Variants in PALM2AKAP2 observed in about 807,000 individuals in gnomAD.
PALM2AKAP2 encodes PALM2-AKAP2 fusion protein.
Under a neutral mutation model 71.5 loss-of-function variants are expected in PALM2AKAP2, and 37 were observed. That is an observed-to-expected ratio of 0.52 (90% CI 0.40 to 0.68). The LOEUF is 0.68. Among genes scored for constraint, PALM2AKAP2 ranks in the 30% least tolerant of loss-of-function variants. The pLI, the probability that PALM2AKAP2 is intolerant of heterozygous loss-of-function variation, is 0.00. For synonymous variants in PALM2AKAP2, 468 were observed against 478.8 expected (o/e 0.98, Z 0.29); for missense variants, 1,224 against 1,191.8 (o/e 1.03, Z -0.40).
At chr9:110,156,404 C>T (rs752250329) in exon 3 of PALM2AKAP2, 14 of 1,612,928 alleles carry the variant, frequency 8.7e-6, no homozygotes, top group East Asian at 4.5e-5. Context: ...AAGAGGCTGC[C>T]GGAACCCAGC....
At chr9:109,664,773 C>A (rs946310864) in intron 1 of PALM2AKAP2, among the ~76,000 whole-genome samples, 2 of 152,212 alleles carry the variant, frequency 1.3e-5, no homozygotes, top group Admixed American at 1.3e-4. Context: ...GGATAATACC[C>A]TGAAGAGTGT....
At chr9:110,141,113 C>G (rs1213511500) in intron 2 of PALM2AKAP2, among the ~76,000 whole-genome samples, 1 of 152,140 alleles carries the variant, frequency 6.6e-6, no homozygotes, top group Non-Finnish European at 1.5e-5. Context: ...CATTTCAATG[C>G]TTTCTCCTGA....
At chr9:110,054,390 ACT>A (rs1429664991) in intron 1 of PALM2AKAP2, among the ~76,000 whole-genome samples, 1 of 150,768 alleles carries the variant, frequency 6.6e-6, no homozygotes, top group African/African-American at 2.5e-5. Flanking sequence ...CAAGAGTGAA[ACT>A]CTGTTTCAAA....
chr9:110,048,897 C>G (rs1329523959), intron 1 of PALM2AKAP2: 3 of 1,480,800 alleles, frequency 2.0e-6, no homozygotes, highest in South Asian at 2.6e-5. Flanking sequence ...GGAGTGTCCT[C>G]GAGTGTGAGG....
chr9:110,016,144 CTA>C (rs1832976770), intron 7 of PALM2AKAP2, 105 bp downstream of exon 7: 1 of 1,097,350 alleles, frequency 9.1e-7, no homozygotes, highest in Non-Finnish European at 1.4e-6. Flanking sequence ...ATCCACCTTG[CTA>C]GAGTTCTCTC....
At chr9:109,816,509 C>T (rs535913455) in intron 1 of PALM2AKAP2, among the ~76,000 whole-genome samples, 5 of 152,148 alleles carry the variant, frequency 3.3e-5, no homozygotes, top group Admixed American at 2.0e-4. Context: ...GGCCGCTGCA[C>T]CTAAACAGTT....
At chr9:110,044,344 CTTTTTTTTTT>C (rs57314430), upstream of PALM2AKAP2, among the ~76,000 whole-genome samples, 9 of 80,154 alleles carry the variant, frequency 1.1e-4, no homozygotes, top group South Asian at 8.7e-4. Context: ...TTCTTTCTTT[CTTTTTTTTTT>C]TTTTTTTTTT....
At position 110,067,015 on chromosome 9, in the gene PALM2AKAP2, T is replaced by A. The variant is rs534925750; in HGVS notation, c.156+18160T>A. ...CTCTTCATTTGGTTTTATCAGATAA[T>A]AGATAATAATAAATATGGCCTGGCT... On this transcript the variant is annotated intron_variant, in intron 1 of 3. Transcript: ENST00000374525. 2.0e-5 allele frequency among the ~76,000 whole-genome samples: 3 copies of A among 152,256 alleles called. No homozygotes were observed. In the South Asian group the frequency reaches 6.2e-4, roughly 32 times the overall value.
intron 1 of PALM2AKAP2, among the ~76,000 whole-genome samples, chr9:109,713,309 T>C (rs2118613727): frequency 6.6e-6 from 1 of 152,270 alleles, no homozygotes; most frequent in East Asian, 1.9e-4. Flanking sequence ...GGAATGGAAC[T>C]GAAAGTGGGG....
chr9:109,784,673 C>T (rs1826914848), intron 1 of PALM2AKAP2, among the ~76,000 whole-genome samples: 1 of 152,250 alleles, frequency 6.6e-6, no homozygotes, highest in African/African-American at 2.4e-5. Flanking sequence ...GGTTCTAGAA[C>T]TGGTCTAACA....
At chr9:109,944,918 T>C (rs1242164032) in intron 6 of PALM2AKAP2, 1 of 152,204 alleles carries the variant, frequency 6.6e-6, no homozygotes, top group East Asian at 1.9e-4. Flanking sequence ...TGCCCATTTA[T>C]AGCATTGTTA....
At chr9:109,734,402 C>T (rs1031120555) in intron 1 of PALM2AKAP2, among the ~76,000 whole-genome samples, 2 of 152,126 alleles carry the variant, frequency 1.3e-5, no homozygotes, top group Non-Finnish European at 2.9e-5. Flanking sequence ...CCAATAGGCA[C>T]ATTTGTCAAT....
At chr9:109,918,793 T>G (rs1830752847) in intron 3 of PALM2AKAP2, among the ~76,000 whole-genome samples, 1 of 152,202 alleles carries the variant, frequency 6.6e-6, no homozygotes, top group African/African-American at 2.4e-5. Context: ...TATAGAAAAA[T>G]CTGCTATTGG....
rs117544377 is a variant in PALM2AKAP2 at position 110,113,202 on chromosome 9, G to T, written c.157-22925G>T. ...GTTTTATCTACAGGTTTTTATTTTTGTTGTTGTTGTTTGTCTTTTTGTTTT... is the reference window on the plus strand; with the variant it reads ...GTTTTATCTACAGGTTTTTATTTTTTTTGTTGTTGTTTGTCTTTTTGTTTT... On this transcript the variant is annotated intron_variant, in intron 1 of 3. Coordinates refer to ENST00000374525, the Ensembl canonical transcript of PALM2AKAP2. Among the ~76,000 whole-genome samples the T allele has an allele frequency of 0.017, 2,549 of 150,586 alleles. 83 individuals are homozygous for T. In the South Asian group the frequency reaches 0.17, roughly 10 times the overall value.
At chr9:109,715,049 C>A (rs946369337) in intron 1 of PALM2AKAP2, among the ~76,000 whole-genome samples, 1 of 152,176 alleles carries the variant, frequency 6.6e-6, no homozygotes, top group Non-Finnish European at 1.5e-5. Flanking sequence ...ATAAGCCCTG[C>A]AACAGCATCC....
At chr9:109,653,146 G>A (rs890057356) in intron 1 of PALM2AKAP2, among the ~76,000 whole-genome samples, 1 of 152,124 alleles carries the variant, frequency 6.6e-6, no homozygotes, top group African/African-American at 2.4e-5. Flanking sequence ...GTGATCATGG[G>A]TGAGGCAGCA....
intron 1 of PALM2AKAP2, among the ~76,000 whole-genome samples, chr9:109,823,774 A>G (rs953879215): frequency 6.6e-6 from 1 of 152,200 alleles, no homozygotes; most frequent in Non-Finnish European, 1.5e-5. Flanking sequence ...TCTGGGGGTG[A>G]GGGGAGTAAA....
intron 1 of PALM2AKAP2, among the ~76,000 whole-genome samples, chr9:109,749,421 G>T (rs1828852628): frequency 6.6e-6 from 1 of 152,024 alleles, no homozygotes; most frequent in African/African-American, 2.4e-5. Flanking sequence ...ATTGCTGCTG[G>T]CTTGCTCTTG....
intron 6 of PALM2AKAP2, among the ~76,000 whole-genome samples, chr9:110,010,872 T>C (rs893924906): frequency 1.4e-5 from 2 of 147,818 alleles, no homozygotes; most frequent in African/African-American, 4.9e-5. Context: ...GGTACATGCC[T>C]GTAATCTCAG....
Sources: allele counts gnomAD v4.1 joint callset (sites outside exome capture counted in the v4.1 genomes callset), GRCh38; gene constraint gnomAD v4.1.1; transcripts MANE v1.5; gene names NCBI Gene and HGNC (gene_info 2026-07-23, HGNC 2026-07-21).